ARHGAP39: variants seen among roughly 807,000 people sequenced by gnomAD.
The protein encoded by ARHGAP39 is rho GTPase-activating protein 39.
A neutral mutation model predicts 106.9 loss-of-function variants in ARHGAP39; 44 were observed. The observed-to-expected ratio is 0.41, with a 90% CI of 0.32 to 0.53. The LOEUF is 0.53. ARHGAP39 is among the 20% of genes least tolerant of loss of function. The pLI is 0.21. For synonymous variants in ARHGAP39, 768 were observed against 693.2 expected (o/e 1.11, Z -1.69); for missense variants, 1,496 against 1,577.3 (o/e 0.95, Z 0.87).
intron 1 of ARHGAP39, chr8:144,683,118 A>C (rs1242514835): frequency 1.3e-5 from 2 of 150,770 alleles, no homozygotes; most frequent in African/African-American, 4.9e-5. Context: ...GATCGAGACT[A>C]TCCTGGCTAA....
chr8:144,545,824 A>C lies in ARHGAP39; in HGVS notation c.1960-14T>G. 3 of 1,075,356 alleles carry C rather than the reference A, an allele frequency of 2.8e-6. No individual in the cohort carries two copies. The highest frequency in any genetic ancestry group is 3.9e-6 in the Non-Finnish European group (3 of 764,894). 66.6% of individuals were successfully genotyped at this position (1,075,356 alleles called of 1,614,324 possible). A position where few individuals can be genotyped will look rare whatever the true frequency, so the allele number is the denominator to read the frequency against. ...GAGGTCCTCAGACTGAGAAGGACAA[A>C]TGCGGCTGGGCTGTTGGGGGTGGGG... On this transcript the variant is annotated splice_polypyrimidine_tract_variant and intron_variant, in intron 5 of 11. Transcript: ENST00000377307.
chr8:144,542,956 A>AG (rs1287476767), intron 6 of ARHGAP39, among the ~76,000 whole-genome samples: 68 of 148,996 alleles, frequency 4.6e-4, no homozygotes, highest in Non-Finnish European at 8.0e-4. Flanking sequence ...CCAAAAAAAA[A>AG]GGGGGGTCTT....
rs995386309 is a variant in ARHGAP39, at chr8:144,530,683, C to T, written c.3150+19G>A. 10 of 1,566,834 alleles carry T rather than the reference C, an allele frequency of 6.4e-6. No individual in the cohort carries two copies. The highest frequency in any genetic ancestry group is 2.3e-5 in the South Asian group (2 of 86,054). On this transcript the variant is annotated intron_variant, in intron 11 of 11. Coordinates refer to ENST00000377307, the MANE Select transcript of ARHGAP39 (RefSeq NM_025251.3). ...GGCGGGGAGGGGAAAGCAGCGGGGA[C>T]CCCCGGGGAGGGAAGTACCTGCAGG...
intron 3 of ARHGAP39, among the ~76,000 whole-genome samples, chr8:144,559,804 C>G (rs1390627976): frequency 6.6e-6 from 1 of 152,158 alleles, no homozygotes; most frequent in Non-Finnish European, 1.5e-5. Context: ...ATTTATGTTT[C>G]ATATATACCT....
intron 1 of ARHGAP39, among the ~76,000 whole-genome samples, chr8:144,627,631 C>T (rs953441254): frequency 2.6e-5 from 4 of 151,460 alleles, no homozygotes; most frequent in Admixed American, 6.6e-5. Context: ...ACGGGACACA[C>T]GCCTTGGTCC....
At chr8:144,634,946 C>CT (rs1220778446) in intron 1 of ARHGAP39, among the ~76,000 whole-genome samples, 3 of 152,270 alleles carry the variant, frequency 2.0e-5, no homozygotes, top group Non-Finnish European at 4.4e-5. Flanking sequence ...CCTGCACATT[C>CT]TGGCCTTGGG....
intron 3 of ARHGAP39, among the ~76,000 whole-genome samples, chr8:144,568,811 T>C (rs750835732): frequency 1.3e-5 from 2 of 151,442 alleles, no homozygotes; most frequent in East Asian, 1.9e-4. Context: ...CAAAGAGCCA[T>C]AATTAAGAAT....
rs1022604402 is a variant in ARHGAP39 at position 144,641,170 on chromosome 8, C to G, written c.-81-35475G>C. 6.6e-6 allele frequency among the ~76,000 whole-genome samples: 1 copy of G among 151,996 alleles called. No homozygotes were observed. Among genetic ancestry groups the G allele is most frequent in the African/African-American group, 2.4e-5 (1 of 41,368 alleles). On this transcript the variant is annotated intron_variant, in intron 1 of 11. Coordinates refer to ENST00000377307, the MANE Select transcript of ARHGAP39 (RefSeq NM_025251.3). This position sits in a 1 kb window ranked among gnomAD's most constrained non-coding sequence, Gnocchi z 5.2. Reference sequence around the variant, plus strand: ...ATCCACCTGTTCTGCCACAGGATCACGGGGGGAAAGACCACACCGGCTTCT... The same window carrying G: ...ATCCACCTGTTCTGCCACAGGATCAGGGGGGGAAAGACCACACCGGCTTCT...
rs1030030914 is a variant in ARHGAP39, at chr8:144,585,268, G to C, written c.81-3991C>G. On this transcript the variant is annotated intron_variant, in intron 2 of 11. Coordinates refer to ENST00000377307, the MANE Select transcript of ARHGAP39 (RefSeq NM_025251.3). This position sits in a 1 kb window ranked among gnomAD's most constrained non-coding sequence, Gnocchi z 4.6. ...ACTCTTCTTCCCAAGGGCCTCACCT[G>C]TCTCCCTTCCTTCTCTCCATGGACA... is the stretch of plus-strand genomic sequence containing the variant. Among the ~76,000 whole-genome samples, 4 of 152,070 alleles carry C rather than the reference G, an allele frequency of 2.6e-5. No homozygotes were observed. Among genetic ancestry groups the C allele is most frequent in the African/African-American group, 9.7e-5 (4 of 41,400 alleles).
chr8:144,553,334 G>C (rs1440819130), intron 4 of ARHGAP39, among the ~76,000 whole-genome samples: 4 of 152,206 alleles, frequency 2.6e-5, no homozygotes, highest in African/African-American at 9.7e-5. Context: ...TGGCTTGGCA[G>C]ATTCAGCTGG....
Position 144,580,420 on chromosome 8 carries a change from G to A in ARHGAP39, c.512+426C>T, listed in dbSNP as rs1003327472. On this transcript the variant is annotated intron_variant, in intron 3 of 11. Transcript: ENST00000377307. ...CAGGGGCTGGGCCAGTGAGGGGCAG[G>A]GTTGGAGGACCCAGAACCCTCTGAG... 3.9e-5 allele frequency among the ~76,000 whole-genome samples: 6 copies of A among 152,210 alleles called. No homozygotes were observed. The East Asian group carries it at 9.6e-4, about 24-fold the overall frequency.
At chr8:144,619,734 G>A (rs756249810) in intron 1 of ARHGAP39, among the ~76,000 whole-genome samples, 1 of 151,208 alleles carries the variant, frequency 6.6e-6, no homozygotes, top group Non-Finnish European at 1.5e-5. Context: ...GTCCGTGTGC[G>A]TGTGAGCCTG....
At position 144,683,465 on chromosome 8, in the gene ARHGAP39, G is replaced by C. The variant is rs1313122858; in HGVS notation, c.-82+2221C>G. On this transcript the variant is annotated intron_variant, in intron 1 of 11. Transcript: ENST00000377307. ...TGGGTTCAAGCGATTCTCTGTCTCA[G>C]CCTCCCCAGTAGCTAGGACTACAGG... The C allele has an allele frequency of 2.0e-5, 3 of 148,740 alleles. No homozygotes were observed. In the East Asian group the frequency reaches 6.0e-4, roughly 30 times the overall value. The allele number at this position is 148,740 out of a possible 1,614,324, so 9.2% of individuals were successfully genotyped here.
intron 2 of ARHGAP39, among the ~76,000 whole-genome samples, chr8:144,601,992 CAT>C (rs1448325637): frequency 3.1e-5 from 4 of 130,676 alleles, no homozygotes; most frequent in African/African-American, 6.0e-5. Flanking sequence ...TGTGCGAGCT[CAT>C]GTACCTGTGT....
chr8:144,622,278 T>G (rs968784326), intron 1 of ARHGAP39, among the ~76,000 whole-genome samples: 7 of 152,090 alleles, frequency 4.6e-5, no homozygotes, highest in African/African-American at 7.2e-5. Flanking sequence ...GAGCTGCCTC[T>G]GGGAGGAATC....
At chr8:144,631,278 C>T (rs1821056526) in intron 1 of ARHGAP39, among the ~76,000 whole-genome samples, 1 of 152,242 alleles carries the variant, frequency 6.6e-6, no homozygotes, top group Non-Finnish European at 1.5e-5. Context: ...AACCATCCCA[C>T]CAGTCCAGGG....
chr8:144,567,572 G>A (rs1438580055), intron 3 of ARHGAP39, among the ~76,000 whole-genome samples: 2 of 152,176 alleles, frequency 1.3e-5, no homozygotes, highest in East Asian at 3.8e-4. Flanking sequence ...AGGCTCGCCT[G>A]CAGTTATCCA....
intron 4 of ARHGAP39, 50 bp downstream of exon 4, chr8:144,555,510 A>C: frequency 6.6e-7 from 1 of 1,516,962 alleles, no homozygotes; most frequent in Non-Finnish European, 9.2e-7. Flanking sequence ...TGGCTCACTG[A>C]GGAAGCCGCC....
At chr8:144,565,996 A>T (rs1052778030) in intron 3 of ARHGAP39, among the ~76,000 whole-genome samples, 2 of 151,380 alleles carry the variant, frequency 1.3e-5, no homozygotes, top group Non-Finnish European at 2.9e-5. Flanking sequence ...CAGGAAGCAG[A>T]GGTGGGAGGA....
Sources: gnomAD v4.1 joint callset for allele counts (sites outside exome capture counted in the v4.1 genomes callset) on GRCh38, gnomAD v4.1.1 for gene constraint, Gnocchi (gnomAD v3.1) non-coding constraint, MANE v1.5 for transcripts, NCBI Gene and HGNC (gene_info 2026-07-23, HGNC 2026-07-21) for gene names.